Variants in DFFA observed in about 807,000 individuals in gnomAD.
DFFA encodes DNA fragmentation factor subunit alpha, also known as DFF45.
A neutral mutation model predicts 28.0 loss-of-function variants in DFFA; 14 were observed. The observed-to-expected ratio is 0.50, with a 90% CI of 0.33 to 0.78. DFFA has a LOEUF of 0.78. Ranked by LOEUF, DFFA falls within the 30% of genes least tolerant of loss-of-function variation. The pLI is 0.02. For missense variants in DFFA, 395 were observed against 407.1 expected (o/e 0.97, Z 0.26); for synonymous variants, 158 against 170.3 (o/e 0.93, Z 0.56).
At chr1:10,464,730 A>C (rs1640999443) in intron 3 of DFFA, among the ~76,000 whole-genome samples, 2 of 152,202 alleles carry the variant, frequency 1.3e-5, no homozygotes, top group South Asian at 4.1e-4. Context: ...AAACCAAACC[A>C]AAACAAAAAA....
chr1:10,471,047 A>G (rs1641090876), intron 1 of DFFA, among the ~76,000 whole-genome samples: 1 of 123,328 alleles, frequency 8.1e-6, no homozygotes, highest in African/African-American at 3.1e-5. Context: ...TGGGTGACAG[A>G]GTGACACTCC....
rs1399014834 is a variant in DFFA, at chr1:10,463,524, C to G, written c.538G>C (p.Asp180His). The G allele has an allele frequency of 5.0e-6, 8 of 1,614,046 alleles. No homozygotes were observed. Among genetic ancestry groups the G allele is most frequent in the South Asian group, 1.1e-5 (1 of 91,078 alleles). Residue 180 changes from aspartate to histidine, a missense_variant, in exon 4 of 6, where the codon GAC becomes CAC. Transcript: ENST00000377038. ...RLQHTLQQVL[D>H]QREEVRQSKQ... ...GACTGACGCACTTCCTCTCTTTGGTCAAGCACCTGTTGGAGTGTGTGCTGC... is the reference window on the plus strand; with the variant it reads ...GACTGACGCACTTCCTCTCTTTGGTGAAGCACCTGTTGGAGTGTGTGCTGC...
At chr1:10,467,506 CTTCT>C (rs959006136) in intron 2 of DFFA, among the ~76,000 whole-genome samples, 174 bp from the exon 3 acceptor site, 2 of 151,578 alleles carry the variant, frequency 1.3e-5, no homozygotes, top group African/African-American at 4.9e-5. Context: ...GATTTTCCCT[CTTCT>C]TTCATTTTTT....
chr1:10,469,041 A>G (rs1641057992), intron 2 of DFFA, 136 bp downstream of exon 2: 1 of 931,590 alleles, frequency 1.1e-6, no homozygotes, highest in Admixed American at 2.3e-5. Flanking sequence ...TGTCTGGCAC[A>G]TAGAAAGTGC....
chr1:10,470,148 A>G (rs1570111085), intron 1 of DFFA, among the ~76,000 whole-genome samples: 1 of 152,136 alleles, frequency 6.6e-6, no homozygotes, highest in Non-Finnish European at 1.5e-5. Context: ...TAATCTCATA[A>G]TAATCCTGTA....
In DFFA at chr1:10,472,490, G is replaced by T. The variant is rs767766199; in HGVS notation, c.-32C>A. 1.3e-6 allele frequency: 2 copies of T among 1,562,068 alleles called. No homozygotes were observed. The highest frequency in any genetic ancestry group is 1.8e-5 in the Admixed American group (1 of 54,054). ...CAAGGTGGGACCTGCCCACCTTCGA[G>T]AAGTCGCGGGAGGCCGGAGCGGCGG... On this transcript the variant is annotated 5_prime_UTR_variant, in exon 1 of 6. Coordinates refer to ENST00000377038, the MANE Select transcript of DFFA (RefSeq NM_004401.3). This position sits in a 1 kb window ranked among gnomAD's most constrained non-coding sequence, Gnocchi z 5.0.
Position 10,469,227 on chromosome 1 carries a change from G to T in DFFA, c.248C>A (p.Thr83Asn). Residue 83 changes from threonine (T) to asparagine (N), a missense_variant, in exon 2 of 6, where the codon ACT becomes AAT. By Grantham distance (65) the Thr-to-Asn change is moderately conservative (BLOSUM62 0). Transcript: ENST00000377038. ...DDYFLCLPSNTKFVALASNEK... is the reference protein window; with the variant it reads ...DDYFLCLPSNNKFVALASNEK... ...ATTACTAGCCAATGCCACAAACTTA[G>T]TATTGGAAGGTAGACACAGAAAGTA... The T allele has an allele frequency of 1.2e-6, 2 of 1,614,164 alleles. No homozygotes were observed. Among genetic ancestry groups the T allele is most frequent in the Non-Finnish European group, 1.7e-6 (2 of 1,180,008 alleles).
intron 3 of DFFA, among the ~76,000 whole-genome samples, chr1:10,465,560 C>T (rs917416858): frequency 5.9e-5 from 9 of 151,992 alleles, no homozygotes; most frequent in Non-Finnish European, 8.8e-5. Context: ...CCACCGTGCC[C>T]GGCTGTATTT....
intron 1 of DFFA, among the ~76,000 whole-genome samples, chr1:10,469,863 C>T (rs1641072085): frequency 1.4e-5 from 2 of 142,166 alleles, no homozygotes; most frequent in African/African-American, 2.7e-5. Flanking sequence ...TTGAGACAGG[C>T]TGGCGTGCAG....
intron 1 of DFFA, among the ~76,000 whole-genome samples, chr1:10,470,679 C>A (rs1641085520): frequency 6.7e-6 from 1 of 150,178 alleles, no homozygotes; most frequent in Admixed American, 6.6e-5. Flanking sequence ...CCCACCTCGG[C>A]CTCCCAAAGT....
At position 10,462,034 on chromosome 1, in the gene DFFA, T is replaced by G. The variant is rs549820235; in HGVS notation, c.784-332A>C. ...CACGCCTGGCTAATTTTTTTGTATT[T>G]TTTTTAGTAGAGACGGGGTTTCACC... is the stretch of plus-strand genomic sequence containing the variant. On this transcript the variant is annotated intron_variant, in intron 5 of 5. Transcript: ENST00000377038. 2.0e-5 allele frequency among the ~76,000 whole-genome samples: 3 copies of G among 152,150 alleles called. No homozygotes were observed. In the East Asian group the frequency reaches 5.8e-4, roughly 29 times the overall value.
chr1:10,463,233 G>C (rs774783822), intron 4 of DFFA, 24 bp from the exon 5 acceptor site: 6 of 1,609,278 alleles, frequency 3.7e-6, no homozygotes, highest in Non-Finnish European at 5.1e-6. Flanking sequence ...ACGAGACAGA[G>C]ATCAGACGTG....
chr1:10,470,518 G>A (rs1641082623), intron 1 of DFFA, among the ~76,000 whole-genome samples: 1 of 147,618 alleles, frequency 6.8e-6, no homozygotes, highest in African/African-American at 2.5e-5. Context: ...TCCGCCCCCC[G>A]GGTTCACGCC....
intron 3 of DFFA, among the ~76,000 whole-genome samples, chr1:10,464,640 A>G (rs1010313576): frequency 1.1e-4 from 16 of 152,168 alleles, no homozygotes; most frequent in African/African-American, 3.9e-4. Flanking sequence ...GCTTGAGCCC[A>G]GCAGGCAGAT....
chr1:10,468,851 G>A (rs748356272), intron 2 of DFFA, among the ~76,000 whole-genome samples: 6 of 151,502 alleles, frequency 4.0e-5, no homozygotes, highest in African/African-American at 4.9e-5. Flanking sequence ...CAATTCTCCC[G>A]CCTCAGCCTC....
At chr1:10,462,840 G>A in intron 5 of DFFA, 3 of 1,395,336 alleles carry the variant, frequency 2.2e-6, no homozygotes, top group East Asian at 2.6e-5. Flanking sequence ...ACCAGAGTCT[G>A]TTTGATGATC....
chr1:10,469,376 C>A, intron 1 of DFFA, 38 bp from the exon 2 acceptor site: 2 of 1,598,134 alleles, frequency 1.3e-6, no homozygotes, highest in South Asian at 2.2e-5. Context: ...GACAAATAAC[C>A]GTAAGGAAAT....
chr1:10,464,291 ACCG>A, intron 3 of DFFA, among the ~76,000 whole-genome samples: 1 of 150,962 alleles, frequency 6.6e-6, no homozygotes, highest in Non-Finnish European at 1.5e-5. Context: ...ACGGGGTTTC[ACCG>A]TGTTAGCCAG....
chr1:10,461,588 T>A lies in DFFA; in HGVS notation c.898A>T (p.Thr300Ser). Reference sequence around the variant, plus strand: ...CTCCGGAGAGAATGCAAGCTCTGCGTCTGCTGCAGGCGCAGGGCGAGCTCC... The same window carrying A: ...CTCCGGAGAGAATGCAAGCTCTGCGACTGCTGCAGGCGCAGGGCGAGCTCC... ...ERELALRLQQ[T>S]QSLHSLRSIS... Residue 300 changes from threonine (T) to serine (S), a missense_variant, in exon 6 of 6, where the codon ACG becomes TCG. Transcript: ENST00000377038. The A allele has an allele frequency of 6.2e-7, 1 of 1,614,234 alleles. No homozygotes were observed.
Sources: gnomAD v4.1 joint callset for allele counts (sites outside exome capture counted in the v4.1 genomes callset) on GRCh38, gnomAD v4.1.1 for gene constraint, Gnocchi (gnomAD v3.1) non-coding constraint, MANE v1.5 for transcripts, NCBI Gene and HGNC (gene_info 2026-07-23, HGNC 2026-07-21) for gene names.